RARB: variants seen among roughly 807,000 people sequenced by gnomAD.
RARB encodes HBV-activated protein.
In RARB, 17 loss-of-function variants were observed where a neutral mutation model predicts 51.9. That is an observed-to-expected ratio of 0.33 (90% CI 0.22 to 0.49). The LOEUF (loss-of-function observed/expected upper bound fraction) is 0.49. Ranked by LOEUF, RARB falls within the 20% of genes least tolerant of loss-of-function variation. RARB has a pLI of 0.99. For missense variants in RARB, 369 were observed against 550.8 expected (o/e 0.67, Z 3.30); for synonymous variants, 215 against 195.4 (o/e 1.10, Z -0.84).
At position 25,428,505 on chromosome 3, in the gene RARB, G is replaced by A. The variant is rs1191721914; in HGVS notation, c.-227G>A. On this transcript the variant is annotated 5_prime_UTR_variant, in exon 1 of 8. Transcript: ENST00000330688. ...TTTCTGGGAACCCCCCGCCCCGGCT[G>A]GATTGGCCGAGCAAGCCTGGAAAAT... The A allele has an allele frequency of 2.4e-6, 3 of 1,266,142 alleles. No homozygotes were observed. The highest frequency in any genetic ancestry group is 9.9e-7 in the Non-Finnish European group (1 of 1,006,984). 78.4% of individuals were successfully genotyped at this position (1,266,142 alleles called of 1,614,324 possible).
chr3:24,908,663 G>GTTTTTTTTTTTTTTTTTTT (rs59008287), intron 2 of RARB, among the ~76,000 whole-genome samples: 1 of 93,462 alleles, frequency 1.1e-5, no homozygotes, highest in Non-Finnish European at 2.0e-5. Flanking sequence ...AACCACAACT[G>GTTTTTTTTTTTTTTTTTTT]TTTTTTTTTT....
chr3:25,147,264 A>T (rs1398181982), intron 4 of RARB, among the ~76,000 whole-genome samples: 2 of 152,058 alleles, frequency 1.3e-5, no homozygotes, highest in African/African-American at 4.8e-5. Context: ...TCTCTTCCCC[A>T]TCCTCTCCTT....
upstream of RARB, among the ~76,000 whole-genome samples, chr3:25,423,893 A>G (rs557492884): frequency 1.6e-3 from 240 of 152,356 alleles, no homozygotes; most frequent in Non-Finnish European, 3.0e-3. Context: ...GGCATTCAGC[A>G]GGGGTTGTAT....
chr3:25,182,960 G>A (rs1383925927), intron 5 of RARB, among the ~76,000 whole-genome samples: 1 of 152,032 alleles, frequency 6.6e-6, no homozygotes, highest in Non-Finnish European at 1.5e-5. Context: ...AAGCCACCAG[G>A]AGCTAGGAGA....
chr3:24,958,396 CTTAA>C (rs200893081), intron 2 of RARB, among the ~76,000 whole-genome samples: 1,689 of 146,416 alleles, frequency 0.012, 32 homozygotes, highest in African/African-American at 0.04. Context: ...TCTTTCTGTT[CTTAA>C]TTAGTCATTT....
Position 24,897,185 on chromosome 3 carries a change from G to A in RARB, c.-380+38433G>A, listed in dbSNP as rs1703495067. Among the ~76,000 whole-genome samples, 5 of 152,122 alleles carry A rather than the reference G, an allele frequency of 3.3e-5. No homozygotes were observed. In the South Asian group the frequency reaches 1.0e-3, roughly 32 times the overall value. On this transcript the variant is annotated intron_variant, in intron 2 of 11. Coordinates refer to the RARB transcript ENST00000383772. The stretch of plus-strand genomic sequence containing the variant: ...ACATTGCCATTTTGGGTAGTTGGCT[G>A]TATCTATCATTTCATAATTTCTAAC...
intron 3 of RARB, among the ~76,000 whole-genome samples, chr3:25,528,604 C>T (rs186355312): frequency 5.1e-4 from 77 of 152,158 alleles, no homozygotes; most frequent in Non-Finnish European, 8.2e-4. Context: ...TGGATAGGAT[C>T]CAATCAGGTG....
At chr3:25,259,457 C>T (rs1702945115) in intron 5 of RARB, among the ~76,000 whole-genome samples, 1 of 152,124 alleles carries the variant, frequency 6.6e-6, no homozygotes. Flanking sequence ...GTATAATTCT[C>T]CATTCTCTCT....
chr3:25,138,098 T>C (rs965444124), intron 4 of RARB, among the ~76,000 whole-genome samples: 1 of 152,224 alleles, frequency 6.6e-6, no homozygotes, highest in Middle Eastern at 3.4e-3. Context: ...ATAATATATC[T>C]TGGGGTTACT....
At chr3:25,088,530 C>CT (rs1699142149) in intron 3 of RARB, among the ~76,000 whole-genome samples, 1 of 152,094 alleles carries the variant, frequency 6.6e-6, no homozygotes, top group Non-Finnish European at 1.5e-5. Flanking sequence ...TGTAGTGGAG[C>CT]ATTCTCAAGG....
intron 1 of RARB, among the ~76,000 whole-genome samples, chr3:24,837,446 T>C (rs1702359120): frequency 6.6e-6 from 1 of 152,252 alleles, no homozygotes; most frequent in Non-Finnish European, 1.5e-5. Flanking sequence ...CTGTATTAAA[T>C]GTTTCACTGT....
intron 5 of RARB, among the ~76,000 whole-genome samples, chr3:25,394,867 C>A (rs1707073792): frequency 6.6e-6 from 1 of 152,118 alleles, no homozygotes; most frequent in African/African-American, 2.4e-5. Flanking sequence ...CATTCTGAAT[C>A]TTTTAAGTGG....
chr3:24,938,981 T>TGTG (rs113701762), intron 2 of RARB, among the ~76,000 whole-genome samples: 2 of 148,338 alleles, frequency 1.3e-5, no homozygotes, highest in Non-Finnish European at 3.0e-5. Flanking sequence ...CATTTAGTTT[T>TGTG]TTGTTGTTGT....
intron 2 of RARB, among the ~76,000 whole-genome samples, chr3:24,929,943 G>T (rs1175430957): frequency 6.6e-6 from 1 of 151,982 alleles, no homozygotes; most frequent in Non-Finnish European, 1.5e-5. Context: ...TGCTGTTCTT[G>T]TTTTTTCTCT....
At chr3:25,572,119 G>T (rs1342915480) in intron 4 of RARB, among the ~76,000 whole-genome samples, 3 of 152,180 alleles carry the variant, frequency 2.0e-5, no homozygotes, top group Non-Finnish European at 4.4e-5. Flanking sequence ...TGGCACAGTG[G>T]GAAGGGGCGA....
intron 5 of RARB, among the ~76,000 whole-genome samples, chr3:25,202,076 G>A (rs1701406904): frequency 6.6e-6 from 1 of 151,996 alleles, no homozygotes; most frequent in African/African-American, 2.4e-5. Flanking sequence ...GACTTTTTTT[G>A]GTTGGTAAGC....
intron 3 of RARB, among the ~76,000 whole-genome samples, chr3:25,568,534 C>T (rs1269478153): frequency 6.6e-6 from 1 of 152,068 alleles, no homozygotes; most frequent in African/African-American, 2.4e-5. Flanking sequence ...ACCCCTTGCT[C>T]TTTCCTTTCA....
At chr3:25,184,088 G>C (rs1417927461) in intron 5 of RARB, among the ~76,000 whole-genome samples, 1 of 151,618 alleles carries the variant, frequency 6.6e-6, no homozygotes, top group African/African-American at 2.4e-5. Context: ...ATGTTAATCA[G>C]ATGAATCAAA....
intron 5 of RARB, among the ~76,000 whole-genome samples, chr3:25,209,785 C>T (rs1055421306): frequency 2.6e-5 from 4 of 152,182 alleles, no homozygotes; most frequent in Non-Finnish European, 4.4e-5. Flanking sequence ...CAACTGAAAA[C>T]AACTTCTTCC....
Sources: allele counts gnomAD v4.1 joint callset (sites outside exome capture counted in the v4.1 genomes callset), GRCh38; gene constraint gnomAD v4.1.1; transcripts MANE v1.5; gene names NCBI Gene and HGNC (gene_info 2026-07-23, HGNC 2026-07-21).